ADCY10: variants seen among roughly 807,000 people sequenced by gnomAD.
ADCY10 encodes adenylate cyclase type 10.
A neutral mutation model predicts 183.3 loss-of-function variants in ADCY10; 156 were observed. The observed-to-expected ratio is 0.85, with a 90% CI of 0.75 to 0.97. The LOEUF is 0.97. Among genes scored for constraint, ADCY10 ranks in the 50% least tolerant of loss-of-function variants. ADCY10 has a pLI of 0.00. For missense variants in ADCY10, 1,745 were observed against 1,934.3 expected (o/e 0.90, Z 1.84); for synonymous variants, 645 against 670.0 (o/e 0.96, Z 0.58).
At chr1:167,811,009 G>T in intron 31 of ADCY10, 96 bp from the exon 32 acceptor site, 2 of 1,174,308 alleles carry the variant, frequency 1.7e-6, no homozygotes, top group Non-Finnish European at 1.2e-6. Flanking sequence ...ACATTTCAAG[G>T]ATTTAAGCAA....
At chr1:167,870,482 T>C in intron 13 of ADCY10, 72 bp from the exon 14 acceptor site, 2 of 1,327,460 alleles carry the variant, frequency 1.5e-6, no homozygotes, top group Non-Finnish European at 2.1e-6. Flanking sequence ...AAAAGTCACA[T>C]AGAAACCCTC....
intron 23 of ADCY10, among the ~76,000 whole-genome samples, chr1:167,835,474 T>C (rs1222009815): frequency 6.6e-5 from 10 of 152,224 alleles, no homozygotes; most frequent in Non-Finnish European, 1.3e-4. Context: ...TGGAACCTTA[T>C]TTATAATTAC....
Position 167,824,724 on chromosome 1 carries a change from G to T in ADCY10, c.3882C>A (p.Ile1294=). Residue 1294 remains isoleucine (I), a synonymous_variant, in exon 27 of 33, where the codon ATC becomes ATA. Coordinates refer to ENST00000367851, the MANE Select transcript of ADCY10 (RefSeq NM_018417.6). ...NLPLKGEGIE[I]VAYVAETLVF... ...CCAGTGTCTCAGCCACGTATGCCACGATTTCAATGCCCTCGCCTTTCAGGG... is the reference window on the plus strand; with the variant it reads ...CCAGTGTCTCAGCCACGTATGCCACTATTTCAATGCCCTCGCCTTTCAGGG... 2 of 1,614,196 alleles carry T rather than the reference G, an allele frequency of 1.2e-6. No individual in the cohort carries two copies. The highest frequency in any genetic ancestry group is 2.2e-5 in the East Asian group (1 of 44,886).
chr1:167,901,735 T>G lies in ADCY10; in HGVS notation c.363A>C (p.Lys121Asn), dbSNP rs1669439251. The G allele has an allele frequency of 1.2e-6, 2 of 1,614,080 alleles. No homozygotes were observed. Among genetic ancestry groups the G allele is most frequent in the African/African-American group, 1.3e-5 (1 of 74,926 alleles). ...ACAATCCATGGATCTCCAGGCTACA[T>G]TTAATTACCACTGTGATAATGTTTT... ...QLKNIITVVI[K>N]CSLEIHGLFE... The change falls in exon 5 of 33, where the codon AAA (lysine) becomes AAC (asparagine). Residue 121 changes from lysine to asparagine, a missense_variant. Physicochemically the swap from Lys to Asn is moderately conservative, Grantham distance 94 (BLOSUM62 0). Transcript: ENST00000367851.
chr1:167,819,850 C>G (rs917185532), intron 30 of ADCY10: 11 of 722,902 alleles, frequency 1.5e-5, no homozygotes, highest in Non-Finnish European at 2.5e-5. Context: ...CAGGTGTCAG[C>G]CACCGCGCCC....
At chr1:167,908,991 G>A (rs190765518) in intron 1 of ADCY10, among the ~76,000 whole-genome samples, 144 of 152,262 alleles carry the variant, frequency 9.5e-4, no homozygotes, top group Middle Eastern at 3.4e-3. Context: ...GAGCAAATCC[G>A]TGTAATACCC....
intron 19 of ADCY10, among the ~76,000 whole-genome samples, chr1:167,847,251 A>G (rs1571290522): frequency 6.6e-6 from 1 of 152,060 alleles, no homozygotes; most frequent in Non-Finnish European, 1.5e-5. Context: ...CTAACGAAAC[A>G]TAAATGGCAC....
In ADCY10 at chr1:167,875,118, G is replaced by A; in HGVS notation, c.1462+13C>T. ...TTCAATAAAGAAGTTTAAAATCAAG[G>A]CCTACTACCTACCCAGCAAAGGGTA... is the stretch of plus-strand genomic sequence containing the variant. On this transcript the variant is annotated intron_variant, in intron 13 of 32. Transcript: ENST00000367851. The A allele has an allele frequency of 6.2e-7, 1 of 1,612,368 alleles. No individual in the cohort carries two copies. Among genetic ancestry groups the A allele is most frequent in the African/African-American group, 1.3e-5 (1 of 74,984 alleles).
chr1:167,899,371 G>T, intron 6 of ADCY10, 52 bp downstream of exon 6: 1 of 1,563,682 alleles, frequency 6.4e-7, no homozygotes. Flanking sequence ...CTGGCAGGGG[G>T]CCTCTGTTAC....
chr1:167,873,826 T>C (rs1667266404), intron 13 of ADCY10, among the ~76,000 whole-genome samples: 1 of 152,140 alleles, frequency 6.6e-6, no homozygotes, highest in Non-Finnish European at 1.5e-5. Context: ...GCACTAACTA[T>C]AAAAGACAGG....
intron 12 of ADCY10, 59 bp downstream of exon 12, chr1:167,878,387 A>G (rs1667626052): frequency 1.3e-6 from 2 of 1,570,084 alleles, no homozygotes; most frequent in Non-Finnish European, 8.8e-7. Context: ...CTGCTTTGCT[A>G]TCATAATTCT....
chr1:167,902,481 A>G (rs1400420573), intron 3 of ADCY10, among the ~76,000 whole-genome samples: 3 of 152,214 alleles, frequency 2.0e-5, no homozygotes, highest in African/African-American at 4.8e-5. Flanking sequence ...GAAAATCACA[A>G]CCATAGTCAC....
chr1:167,894,263 T>C (rs1668807453), intron 7 of ADCY10, among the ~76,000 whole-genome samples: 1 of 152,004 alleles, frequency 6.6e-6, no homozygotes, highest in Admixed American at 6.6e-5. Flanking sequence ...AACAAACAAA[T>C]GAGGGAATGA....
chr1:167,913,039 G>T (rs978046546), intron 1 of ADCY10, among the ~76,000 whole-genome samples: 2 of 152,164 alleles, frequency 1.3e-5, no homozygotes, highest in African/African-American at 4.8e-5. Flanking sequence ...AAAGATGTAG[G>T]TTTAATTTAA....
chr1:167,836,565 T>C, intron 22 of ADCY10, 25 bp from the exon 23 acceptor site: 1 of 1,435,436 alleles, frequency 7.0e-7, no homozygotes, highest in Non-Finnish European at 9.8e-7. Flanking sequence ...AAATAAATAA[T>C]AGTAACTTAT....
chr1:167,905,015 G>A lies in ADCY10; in HGVS notation c.126C>T (p.Val42=), dbSNP rs1342435120. ...ERPFMDYFDG[V]LMFVDISGFT... is the part of the protein sequence containing the mutation. Reference sequence around the variant, plus strand: ...TGCCTGAAATATCAACAAACATCAGGACTCCGTCAAAATAATCCATAAAGG... The same window carrying A: ...TGCCTGAAATATCAACAAACATCAGAACTCCGTCAAAATAATCCATAAAGG... The change falls in exon 2 of 33, where the codon GTC becomes GTT. Residue 42 remains valine (V), a synonymous_variant. Transcript: ENST00000367851. 1.9e-6 allele frequency: 3 copies of A among 1,614,126 alleles called. No homozygotes were observed. The South Asian group carries it at 3.3e-5, about 18-fold the overall frequency.
At chr1:167,900,777 C>T (rs1669363199) in intron 5 of ADCY10, among the ~76,000 whole-genome samples, 4 of 152,140 alleles carry the variant, frequency 2.6e-5, no homozygotes, top group Admixed American at 2.6e-4. Flanking sequence ...GGTGATCCAC[C>T]CACCTTGGCC....
intron 1 of ADCY10, among the ~76,000 whole-genome samples, chr1:167,907,271 A>T (rs761287794): frequency 5.9e-5 from 9 of 152,260 alleles, no homozygotes; most frequent in Non-Finnish European, 1.2e-4. Flanking sequence ...ACCAGTAAAC[A>T]TAATGTATTT....
chr1:167,871,521 G>C (rs925230547), intron 13 of ADCY10, among the ~76,000 whole-genome samples: 1 of 152,214 alleles, frequency 6.6e-6, no homozygotes, highest in Non-Finnish European at 1.5e-5. Context: ...AAACCCTGCT[G>C]TAAGGAGCTG....
Sources: gnomAD v4.1 joint callset for allele counts (sites outside exome capture counted in the v4.1 genomes callset) on GRCh38, gnomAD v4.1.1 for gene constraint, MANE v1.5 for transcripts, NCBI Gene and HGNC (gene_info 2026-07-23, HGNC 2026-07-21) for gene names.